KIAA0319L: variants seen among roughly 807,000 people sequenced by gnomAD.
KIAA0319L encodes the protein dyslexia-associated protein KIAA0319-like protein.
Under a neutral mutation model 120.1 loss-of-function variants are expected in KIAA0319L, and 55 were observed. The observed-to-expected ratio is 0.46, with a 90% CI of 0.37 to 0.57. The LOEUF (loss-of-function observed/expected upper bound fraction) is 0.57, where lower values mean the gene tolerates loss of function less well. KIAA0319L is among the 20% of genes least tolerant of loss of function. The pLI, the probability that KIAA0319L is intolerant of heterozygous loss-of-function variation, is 0.00. For synonymous variants in KIAA0319L, 398 were observed against 471.9 expected, an observed-to-expected ratio of 0.84 and a Z score of 2.03; for missense variants, 1,049 against 1,255.3, an observed-to-expected ratio of 0.84 and a Z score of 2.48.
intron 3 of KIAA0319L, among the ~76,000 whole-genome samples, chr1:35,493,799 C>A (rs1644691571): frequency 6.6e-6 from 1 of 151,942 alleles, no homozygotes; most frequent in Non-Finnish European, 1.5e-5. Context: ...GAGCCGAGAT[C>A]ACGCCACTGC....
chr1:35,522,576 C>G (rs1645968077), intron 2 of KIAA0319L, among the ~76,000 whole-genome samples: 2 of 152,080 alleles, frequency 1.3e-5, no homozygotes, highest in Admixed American at 6.5e-5. Context: ...CTGTGCCCAG[C>G]CTATCCTTTT....
At chr1:35,512,068 G>A (rs528380751) in intron 2 of KIAA0319L, among the ~76,000 whole-genome samples, 2 of 151,406 alleles carry the variant, frequency 1.3e-5, no homozygotes, top group African/African-American at 2.4e-5. Flanking sequence ...TCAGGAGTTC[G>A]AGACCAGCCT....
chr1:35,509,258 T>C (rs1645329582), intron 2 of KIAA0319L, among the ~76,000 whole-genome samples: 1 of 152,146 alleles, frequency 6.6e-6, no homozygotes, highest in Admixed American at 6.5e-5. Flanking sequence ...ATCTGAACAG[T>C]AGTCACCTTC....
Position 35,443,028 on chromosome 1 carries a change from G to A in KIAA0319L, c.2657C>T (p.Thr886Ile). The A allele has an allele frequency of 6.2e-7, 1 of 1,614,138 alleles. No individual in the cohort carries two copies. The highest frequency in any genetic ancestry group is 1.1e-5 in the South Asian group (1 of 91,080). ...ATGGTCGGAACAGTTCAGCTGACAT[G>A]CTGAGAGTGGCAGCAAAGGGAAGAA... ...IFRALEVNTV[T>I]CQLNCSDHGH... The change falls in exon 18 of 21, where the codon ACA becomes ATA. Residue 886 changes from threonine (T) to isoleucine (I), a missense_variant and splice_region_variant. Thr to Ile is a moderately conservative substitution (Grantham distance 89, BLOSUM62 -1). Coordinates refer to ENST00000325722, the MANE Select transcript of KIAA0319L (RefSeq NM_024874.5).
At chr1:35,450,991 C>A (rs1294509764) in intron 13 of KIAA0319L, among the ~76,000 whole-genome samples, 2 of 152,234 alleles carry the variant, frequency 1.3e-5, no homozygotes, top group Non-Finnish European at 2.9e-5. Flanking sequence ...TTATTCGGAG[C>A]CCCACGTGAA....
At chr1:35,444,366 A>G (rs777911722) in intron 16 of KIAA0319L, 63 bp from the exon 17 acceptor site, 61 of 1,452,136 alleles carry the variant, frequency 4.2e-5, no homozygotes, top group Non-Finnish European at 5.4e-5. Context: ...AACAGCTAAC[A>G]TTTACTAAGT....
At chr1:35,553,710 TGAAAGAAAGAAAGAAAGAAA>T (rs35935761) in intron 2 of KIAA0319L, among the ~76,000 whole-genome samples, 1 of 148,962 alleles carries the variant, frequency 6.7e-6, no homozygotes, top group Non-Finnish European at 1.5e-5. Context: ...CAAAAGAACT[TGAAAGAAAGAAAGAAAGAAA>T]GAAAGAAAGA....
intron 2 of KIAA0319L, among the ~76,000 whole-genome samples, chr1:35,532,035 C>A (rs542896154): frequency 6.6e-6 from 1 of 151,920 alleles, no homozygotes; most frequent in African/African-American, 2.4e-5. Flanking sequence ...CCAAGGCAGG[C>A]GGATCACTTG....
chr1:35,485,333 G>A (rs1644347802), intron 3 of KIAA0319L, among the ~76,000 whole-genome samples: 1 of 151,918 alleles, frequency 6.6e-6, no homozygotes, highest in South Asian at 2.1e-4. Flanking sequence ...TGGGTTTCTA[G>A]GGCAGCCTAT....
chr1:35,478,036 G>T (rs1643977975), intron 4 of KIAA0319L, among the ~76,000 whole-genome samples: 2 of 151,998 alleles, frequency 1.3e-5, no homozygotes, highest in African/African-American at 4.8e-5. Context: ...AAGAAAATGT[G>T]GTGCTTATAT....
intron 2 of KIAA0319L, among the ~76,000 whole-genome samples, chr1:35,553,998 T>C (rs959561857): frequency 2.0e-5 from 3 of 152,224 alleles, no homozygotes; most frequent in Non-Finnish European, 2.9e-5. Context: ...GCTTTAATTA[T>C]ACTATCCCTC....
At chr1:35,534,435 GGACTCAATCACAAAAC>G (rs372967401) in intron 2 of KIAA0319L, among the ~76,000 whole-genome samples, 200 of 152,274 alleles carry the variant, frequency 1.3e-3, no homozygotes, top group Middle Eastern at 3.4e-3. Flanking sequence ...AAGCTTCCAA[GGACTCAATCACAAAAC>G]CTGAATCTTG....
intron 2 of KIAA0319L, among the ~76,000 whole-genome samples, chr1:35,532,807 C>T (rs1010344699): frequency 2.6e-5 from 4 of 152,162 alleles, no homozygotes; most frequent in African/African-American, 7.2e-5. Context: ...GTCTGGAATG[C>T]ACTGTTGGTA....
At chr1:35,445,460 G>C (rs1641552178) in intron 16 of KIAA0319L, among the ~76,000 whole-genome samples, 1 of 152,120 alleles carries the variant, frequency 6.6e-6, no homozygotes, top group African/African-American at 2.4e-5. Flanking sequence ...CATCTCTCCT[G>C]AGTGACCAGT....
chr1:35,481,115 A>AT (rs1453888913), intron 3 of KIAA0319L, among the ~76,000 whole-genome samples: 1 of 152,230 alleles, frequency 6.6e-6, no homozygotes, highest in African/African-American at 2.4e-5. Flanking sequence ...GATATTGTGC[A>AT]TATCAGTAGT....
At chr1:35,555,965 C>T (rs1320740546) in intron 1 of KIAA0319L, among the ~76,000 whole-genome samples, 3 of 152,236 alleles carry the variant, frequency 2.0e-5, no homozygotes, top group Non-Finnish European at 4.4e-5. Flanking sequence ...GAACTCCTAA[C>T]CAGTCATTCC....
intron 6 of KIAA0319L, among the ~76,000 whole-genome samples, chr1:35,468,461 C>G (rs1307860072): frequency 6.6e-6 from 1 of 152,168 alleles, no homozygotes; most frequent in Non-Finnish European, 1.5e-5. Flanking sequence ...CCAGACTTGT[C>G]TTTTGACCTC....
At chr1:35,490,530 T>A (rs1248597295) in intron 3 of KIAA0319L, among the ~76,000 whole-genome samples, 1 of 151,780 alleles carries the variant, frequency 6.6e-6, no homozygotes, top group Non-Finnish European at 1.5e-5. Flanking sequence ...AGAAAAAAAA[T>A]GTAAATCAAT....
At chr1:35,548,369 G>T (rs1558670354) in intron 2 of KIAA0319L, among the ~76,000 whole-genome samples, 2 of 151,656 alleles carry the variant, frequency 1.3e-5, no homozygotes, top group South Asian at 2.1e-4. Context: ...CTATACTCCT[G>T]CAAAAATTAT....
Sources: gnomAD v4.1 joint callset for allele counts (sites outside exome capture counted in the v4.1 genomes callset) on GRCh38, gnomAD v4.1.1 for gene constraint, MANE v1.5 for transcripts, NCBI Gene and HGNC (gene_info 2026-07-23, HGNC 2026-07-21) for gene names.